The following EXOC6B variants were observed in gnomAD, a reference collection of about 807,000 sequenced individuals.
EXOC6B encodes SEC15 homolog B.
EXOC6B carries 54 observed loss-of-function variants against 113.5 expected under a neutral mutation model. That is an observed-to-expected ratio of 0.48 (90% CI 0.38 to 0.60). EXOC6B has a LOEUF of 0.60. Ranked by LOEUF, EXOC6B falls within the 20% of genes least tolerant of loss-of-function variation. The pLI, the probability that EXOC6B is intolerant of heterozygous loss-of-function variation, is 0.00. For missense variants in EXOC6B, 797 were observed against 977.5 expected (o/e 0.82, Z 2.46); for synonymous variants, 357 against 339.0 (o/e 1.05, Z -0.58).
intron 20 of EXOC6B, among the ~76,000 whole-genome samples, chr2:72,188,039 C>G (rs1163660828): frequency 1.3e-5 from 2 of 152,138 alleles, no homozygotes; most frequent in African/African-American, 4.8e-5. Flanking sequence ...GTTTGGGTGG[C>G]TGCAGCTGTG....
chr2:72,453,548 T>C (rs547942442), intron 18 of EXOC6B, among the ~76,000 whole-genome samples: 1 of 152,340 alleles, frequency 6.6e-6, no homozygotes, highest in East Asian at 1.9e-4. Context: ...ACTTTCATTT[T>C]ATTTCTTTCA....
intron 8 of EXOC6B, among the ~76,000 whole-genome samples, chr2:72,552,895 A>G (rs553910915): frequency 6.6e-6 from 1 of 152,148 alleles, no homozygotes; most frequent in Admixed American, 6.5e-5. Flanking sequence ...CCAAAAAGCT[A>G]TATAATGATT....
rs1023952714 is a variant in EXOC6B at position 72,659,392 on chromosome 2, T to A, written c.669+58711A>T. Among the ~76,000 whole-genome samples, 3 of 152,254 alleles carry A rather than the reference T, an allele frequency of 2.0e-5. No homozygotes were observed. The East Asian group carries it at 5.8e-4, about 29-fold the overall frequency. On this transcript the variant is annotated intron_variant, in intron 6 of 21. Coordinates refer to ENST00000272427, the MANE Select transcript of EXOC6B (RefSeq NM_015189.3). ...TCTATGTTAGGCAAAAACCTTTCCATCTACTCATGATTCACTTTACACTGA... is the reference window on the plus strand; with the variant it reads ...TCTATGTTAGGCAAAAACCTTTCCAACTACTCATGATTCACTTTACACTGA...
intron 5 of EXOC6B, among the ~76,000 whole-genome samples, chr2:72,726,658 TAAC>T (rs1680315702): frequency 6.7e-6 from 1 of 149,646 alleles, no homozygotes; most frequent in African/African-American, 2.5e-5. Context: ...CATAATAACT[TAAC>T]AATAATAACA....
At chr2:72,790,950 G>C (rs1249656502) in intron 1 of EXOC6B, among the ~76,000 whole-genome samples, 3 of 152,152 alleles carry the variant, frequency 2.0e-5, no homozygotes, top group African/African-American at 7.2e-5. Flanking sequence ...ACAGAATGGG[G>C]AAGGGGAGGA....
intron 17 of EXOC6B, among the ~76,000 whole-genome samples, chr2:72,479,300 G>GT (rs1284812878): frequency 6.6e-6 from 1 of 151,882 alleles, no homozygotes; most frequent in Non-Finnish European, 1.5e-5. Context: ...TCAACATTGT[G>GT]TTTTTTTCAA....
At chr2:72,588,098 T>G (rs1424339218) in intron 6 of EXOC6B, among the ~76,000 whole-genome samples, 1 of 152,100 alleles carries the variant, frequency 6.6e-6, no homozygotes, top group African/African-American at 2.4e-5. Flanking sequence ...TATAATATTT[T>G]CCACTACAGA....
intron 6 of EXOC6B, among the ~76,000 whole-genome samples, chr2:72,687,135 C>T (rs1479582268): frequency 7.3e-6 from 1 of 136,480 alleles, no homozygotes; most frequent in Non-Finnish European, 1.5e-5. Flanking sequence ...CAGACTGTGT[C>T]TCAAAAAAAA....
At chr2:72,182,204 C>G (rs1351382875) in intron 21 of EXOC6B, among the ~76,000 whole-genome samples, 1 of 152,112 alleles carries the variant, frequency 6.6e-6, no homozygotes. Context: ...AGTTTCTTTA[C>G]TGGCCAACGC....
chr2:72,704,419 T>C (rs1164687994), intron 6 of EXOC6B, among the ~76,000 whole-genome samples: 3 of 147,352 alleles, frequency 2.0e-5, no homozygotes, highest in Non-Finnish European at 4.5e-5. Context: ...TTAAAAGAAC[T>C]AGAAAAGCAA....
intron 20 of EXOC6B, among the ~76,000 whole-genome samples, chr2:72,271,941 G>A (rs189208028): frequency 3.9e-5 from 6 of 152,114 alleles, no homozygotes; most frequent in African/African-American, 1.2e-4. Context: ...CCATTTGGCC[G>A]TTTTTGCTTT....
chr2:72,244,879 T>A (rs1194842677), intron 20 of EXOC6B, among the ~76,000 whole-genome samples: 1 of 152,124 alleles, frequency 6.6e-6, no homozygotes, highest in East Asian at 1.9e-4. Context: ...AAAAACATAA[T>A]ATCATTTACA....
At chr2:72,401,546 T>C (rs1250255024) in intron 18 of EXOC6B, among the ~76,000 whole-genome samples, 1 of 14,098 alleles carries the variant, frequency 7.1e-5, no homozygotes, top group African/African-American at 4.6e-4. Context: ...TATATATATG[T>C]GTATATATAT....
intron 6 of EXOC6B, among the ~76,000 whole-genome samples, chr2:72,643,287 C>A (rs1286043175): frequency 2.0e-5 from 3 of 150,216 alleles, no homozygotes; most frequent in African/African-American, 7.3e-5. Context: ...GACTATAAAT[C>A]ATGCTGCTAT....
chr2:72,667,780 T>C (rs1027170566), intron 6 of EXOC6B, among the ~76,000 whole-genome samples: 1 of 152,116 alleles, frequency 6.6e-6, no homozygotes, highest in African/African-American at 2.4e-5. Context: ...CTAGAAGAAA[T>C]TCTAGGAAAT....
chr2:72,455,340 T>C (rs1697158954), intron 18 of EXOC6B, among the ~76,000 whole-genome samples: 1 of 151,976 alleles, frequency 6.6e-6, no homozygotes, highest in Non-Finnish European at 1.5e-5. Flanking sequence ...CCAGATAGAG[T>C]TTCTACTTTA....
At chr2:72,263,909 ACAGCCAGC>A (rs531669226) in intron 20 of EXOC6B, among the ~76,000 whole-genome samples, 6 of 152,130 alleles carry the variant, frequency 3.9e-5, no homozygotes, top group Admixed American at 6.5e-5. Context: ...AAGCATTCTG[ACAGCCAGC>A]CAGCCAGCCA....
chr2:72,554,913 A>T (rs924886488), intron 8 of EXOC6B, among the ~76,000 whole-genome samples: 104 of 149,620 alleles, frequency 7.0e-4, no homozygotes, highest in African/African-American at 2.6e-3. Flanking sequence ...CCAGACCCCC[A>T]ACCCCTGACA....
At chr2:72,458,131 A>G (rs1256414288) in intron 18 of EXOC6B, among the ~76,000 whole-genome samples, 1 of 152,146 alleles carries the variant, frequency 6.6e-6, no homozygotes, top group Non-Finnish European at 1.5e-5. Flanking sequence ...CATTTTTTCT[A>G]TCAATCAATC....
Sources: gnomAD v4.1 joint callset for allele counts (sites outside exome capture counted in the v4.1 genomes callset) on GRCh38, gnomAD v4.1.1 for gene constraint, MANE v1.5 for transcripts, NCBI Gene and HGNC (gene_info 2026-07-23, HGNC 2026-07-21) for gene names.